ABCA13: variants seen among roughly 807,000 people sequenced by gnomAD.
ABCA13 encodes the protein ATP-binding cassette sub-family A member 13.
In ABCA13, 476 loss-of-function variants were observed where a neutral mutation model predicts 478.7. The ratio of observed to expected loss-of-function variants is 0.99; its 90% CI spans 0.92 to 1.07. The LOEUF (loss-of-function observed/expected upper bound fraction) is 1.07, where lower values mean the gene tolerates loss of function less well. ABCA13 is among the 50% of genes least tolerant of loss of function. The probability of loss-of-function intolerance (pLI) is 0.00; values close to 1 mark genes in which losing one functional copy is unlikely to be tolerated. For missense variants in ABCA13, 6,060 were observed against 5,910.6 expected (o/e 1.03, Z -0.83); for synonymous variants, 2,252 against 2,158.9 (o/e 1.04, Z -1.20).
intron 27 of ABCA13, 82 bp downstream of exon 27, chr7:48,317,378 A>G (rs1802750197): frequency 1.4e-6 from 2 of 1,441,152 alleles, no homozygotes; most frequent in Admixed American, 4.3e-5. Context: ...TGACATAATT[A>G]TTATGCGCCT....
At chr7:48,192,919 A>G (rs1797290419) in intron 1 of ABCA13, 40 bp from the exon 2 acceptor site, 1 of 1,396,490 alleles carries the variant, frequency 7.2e-7, no homozygotes, top group Non-Finnish European at 9.7e-7. Context: ...AATACCTTAC[A>G]ATTTATTCAG....
intron 50 of ABCA13, among the ~76,000 whole-genome samples, chr7:48,509,269 A>T (rs1365299199): frequency 5.9e-5 from 9 of 152,196 alleles, no homozygotes; most frequent in Admixed American, 3.9e-4. Context: ...TAGTTGGTAC[A>T]GAGATGGCTT....
At chr7:48,493,131 T>C (rs1829986804) in intron 48 of ABCA13, among the ~76,000 whole-genome samples, 1 of 152,188 alleles carries the variant, frequency 6.6e-6, no homozygotes, top group Non-Finnish European at 1.5e-5. Context: ...ATTCCTTTGT[T>C]AATAAAAGTG....
At chr7:48,590,614 G>C (rs1789634331) in intron 57 of ABCA13, among the ~76,000 whole-genome samples, 1 of 152,008 alleles carries the variant, frequency 6.6e-6, no homozygotes, top group Non-Finnish European at 1.5e-5. Flanking sequence ...TGTGTATAAG[G>C]GTTCACTTTT....
At chr7:48,375,370 C>G (rs1314233147) in intron 34 of ABCA13, among the ~76,000 whole-genome samples, 1 of 152,116 alleles carries the variant, frequency 6.6e-6, no homozygotes, top group Non-Finnish European at 1.5e-5. Context: ...TTTCACATGA[C>G]CACCATCTAC....
intron 57 of ABCA13, among the ~76,000 whole-genome samples, chr7:48,592,589 C>T (rs1240018450): frequency 3.3e-5 from 5 of 151,700 alleles, no homozygotes; most frequent in African/African-American, 1.2e-4. Context: ...GCTGTTAGGT[C>T]CATTTGGTCT....
chr7:48,637,400 A>AAAAC (rs1563536813), intron 59 of ABCA13, among the ~76,000 whole-genome samples: 1 of 147,914 alleles, frequency 6.8e-6, no homozygotes, highest in East Asian at 1.9e-4. Context: ...AAAAAAAAAA[A>AAAAC]AAAAAACAGA....
rs201750881 is a variant in ABCA13, at chr7:48,225,109, G to GTGCCTGCCTGCC, written c.469-2135_469-2124dup. The stretch of plus-strand genomic sequence containing the variant: ...TATAGGCGTTAATCACCATGCGTGC[G>GTGCCTGCCTGCC]TGCCTGCCTGCCTGCCTGCCTGCCT... On this transcript the variant is annotated intron_variant, in intron 5 of 61. Transcript: ENST00000435803. Among the ~76,000 whole-genome samples the GTGCCTGCCTGCC allele has an allele frequency of 2.4e-3, 276 of 113,680 alleles. 5 individuals carry two copies. Among genetic ancestry groups the GTGCCTGCCTGCC allele is most frequent in the African/African-American group, 8.0e-3 (225 of 28,022 alleles). 74.6% of individuals were successfully genotyped at this position (113,680 alleles called of 152,430 possible). A position where few individuals can be genotyped will look rare whatever the true frequency, so the allele number is the denominator to read the frequency against.
At chr7:48,282,998 T>A (rs984091673) in intron 19 of ABCA13, among the ~76,000 whole-genome samples, 2 of 152,188 alleles carry the variant, frequency 1.3e-5, no homozygotes, top group Non-Finnish European at 2.9e-5. Context: ...AATTACCAAA[T>A]GTGAAATCTG....
chr7:48,471,300 A>G (rs539745151), intron 44 of ABCA13, among the ~76,000 whole-genome samples: 37 of 152,330 alleles, frequency 2.4e-4, no homozygotes, highest in African/African-American at 8.2e-4. Context: ...TCAGTACAGT[A>G]AGAAAAGTGA....
At chr7:48,364,501 A>G (rs1340744255) in intron 31 of ABCA13, among the ~76,000 whole-genome samples, 2 of 152,178 alleles carry the variant, frequency 1.3e-5, no homozygotes, top group Non-Finnish European at 2.9e-5. Context: ...GCTATTGCAC[A>G]CTAGAACTTA....
At chr7:48,449,408 A>G (rs1366321896) in intron 42 of ABCA13, among the ~76,000 whole-genome samples, 1 of 152,164 alleles carries the variant, frequency 6.6e-6, no homozygotes, top group Non-Finnish European at 1.5e-5. Context: ...GAATAAGACA[A>G]TTCAGTAATG....
intron 45 of ABCA13, among the ~76,000 whole-genome samples, chr7:48,479,193 G>A (rs1455199426): frequency 6.6e-6 from 1 of 151,150 alleles, no homozygotes; most frequent in Non-Finnish European, 1.5e-5. Flanking sequence ...CTCGTGATCT[G>A]CCCGCCTCAG....
At chr7:48,493,041 G>C (rs1013530726) in intron 48 of ABCA13, among the ~76,000 whole-genome samples, 1 of 151,998 alleles carries the variant, frequency 6.6e-6, no homozygotes, top group East Asian at 1.9e-4. Context: ...CCAGTCTCAG[G>C]TATTCTATTA....
In ABCA13 at chr7:48,530,336, A is replaced by G. The variant is rs189348455; in HGVS notation, c.14354+1991A>G. On this transcript the variant is annotated intron_variant, in intron 55 of 61. Transcript: ENST00000435803. ...TATATGTATATATATACACATATAC[A>G]TATATAGATGTATATATACACATAT... 4.7e-3 allele frequency among the ~76,000 whole-genome samples: 719 copies of G among 151,944 alleles called. 2 individuals are homozygous for G. The highest frequency in any genetic ancestry group is 8.0e-3 in the Non-Finnish European group (543 of 67,958).
intron 27 of ABCA13, among the ~76,000 whole-genome samples, chr7:48,326,141 C>A (rs1017427732): frequency 4.6e-5 from 7 of 152,122 alleles, no homozygotes; most frequent in Non-Finnish European, 1.0e-4. Context: ...TTTAGAGAAG[C>A]TAGATGTGGG....
intron 55 of ABCA13, among the ~76,000 whole-genome samples, chr7:48,550,418 T>C (rs948670139): frequency 6.6e-6 from 1 of 151,358 alleles, no homozygotes; most frequent in Admixed American, 6.6e-5. Flanking sequence ...CCACCATACC[T>C]GGCTAATTTT....
chr7:48,611,516 G>A (rs1792022823), intron 58 of ABCA13, among the ~76,000 whole-genome samples: 2 of 152,180 alleles, frequency 1.3e-5, no homozygotes, highest in South Asian at 4.1e-4. Flanking sequence ...GCATGGCTAG[G>A]GAGGTTTCAG....
chr7:48,225,131 GCCTGCCTTCCTTCCTT>G (rs1261659566), intron 5 of ABCA13, among the ~76,000 whole-genome samples: 39 of 106,660 alleles, frequency 3.7e-4, no homozygotes, highest in South Asian at 6.1e-4. Flanking sequence ...CTGCCTGCCT[GCCTGCCTTCCTTCCTT>G]CCTTCCTTCC....
Sources: allele counts gnomAD v4.1 joint callset (sites outside exome capture counted in the v4.1 genomes callset), GRCh38; gene constraint gnomAD v4.1.1; transcripts MANE v1.5; gene names NCBI Gene and HGNC (gene_info 2026-07-23, HGNC 2026-07-21).